NR3C1: variants seen among roughly 807,000 people sequenced by gnomAD.
NR3C1 encodes the protein nuclear receptor subfamily 3 group C member 1.
Under a neutral mutation model 74.0 loss-of-function variants are expected in NR3C1, and 14 were observed. The ratio of observed to expected loss-of-function variants is 0.19; its 90% CI spans 0.12 to 0.30. The LOEUF (loss-of-function observed/expected upper bound fraction) is 0.30, where lower values mean the gene tolerates loss of function less well. Among genes scored for constraint, NR3C1 ranks in the 10% least tolerant of loss-of-function variants. The pLI is 1.00. For missense variants in NR3C1, 695 were observed against 909.8 expected, an observed-to-expected ratio of 0.76 and a Z score of 3.04; for synonymous variants, 308 against 332.5, an observed-to-expected ratio of 0.93 and a Z score of 0.80.
At chr5:143,301,187 C>T (rs1008815533) in intron 4 of NR3C1, among the ~76,000 whole-genome samples, 10 of 151,546 alleles carry the variant, frequency 6.6e-5, no homozygotes, top group Middle Eastern at 3.2e-3. Flanking sequence ...CTTGGAGTAA[C>T]GGATTACAAA....
chr5:143,373,730 A>C (rs984829784), intron 2 of NR3C1, among the ~76,000 whole-genome samples: 25 of 152,222 alleles, frequency 1.6e-4, no homozygotes, highest in African/African-American at 5.8e-4. Context: ...AACAAAGCAA[A>C]ATAATGCAAA....
intron 7 of NR3C1, among the ~76,000 whole-genome samples, chr5:143,292,099 G>T (rs910244092): frequency 1.3e-5 from 2 of 152,142 alleles, no homozygotes; most frequent in African/African-American, 4.8e-5. Context: ...TGCTAATCTG[G>T]CTAGGAGCTG....
intron 1 of NR3C1, among the ~76,000 whole-genome samples, chr5:143,426,112 G>A (rs978827937): frequency 2.0e-5 from 3 of 152,174 alleles, no homozygotes; most frequent in African/African-American, 7.2e-5. Flanking sequence ...AGTGGAAGGT[G>A]CCAGACACAA....
At chr5:143,366,683 T>TA (rs1390059364) in intron 2 of NR3C1, among the ~76,000 whole-genome samples, 1 of 152,146 alleles carries the variant, frequency 6.6e-6, no homozygotes, top group Non-Finnish European at 1.5e-5. Context: ...ATACTATGAA[T>TA]AATTATACAC....
chr5:143,410,523 A>G (rs1345504083), intron 1 of NR3C1, among the ~76,000 whole-genome samples: 1 of 152,140 alleles, frequency 6.6e-6, no homozygotes, highest in Non-Finnish European at 1.5e-5. Context: ...CTCTTGTTGA[A>G]TTTTCAATAC....
At chr5:143,378,752 C>T (rs1485742625) in intron 2 of NR3C1, among the ~76,000 whole-genome samples, 1 of 152,194 alleles carries the variant, frequency 6.6e-6, no homozygotes, top group Non-Finnish European at 1.5e-5. Context: ...CTATGTTTAA[C>T]ACAAGAAATT....
At chr5:143,434,460 T>C (rs1752021406) in intron 1 of NR3C1, 8 of 828,312 alleles carry the variant, frequency 9.7e-6, no homozygotes, top group Non-Finnish European at 1.2e-5. Context: ...GACCTCTGAG[T>C]GACCTTTAAC....
At chr5:143,402,388 G>T (rs1339118901) in intron 1 of NR3C1, among the ~76,000 whole-genome samples, 2 of 152,166 alleles carry the variant, frequency 1.3e-5, no homozygotes, top group African/African-American at 4.8e-5. Flanking sequence ...GTATTACAAG[G>T]TTGCAATTAT....
intron 2 of NR3C1, among the ~76,000 whole-genome samples, chr5:143,333,669 A>G (rs1600060426): frequency 6.6e-6 from 1 of 151,894 alleles, no homozygotes; most frequent in African/African-American, 2.4e-5. Context: ...TCGAGAGGCT[A>G]AGGCAGGAAA....
intron 7 of NR3C1, among the ~76,000 whole-genome samples, chr5:143,293,695 G>A (rs1450465660): frequency 6.6e-6 from 1 of 151,868 alleles, no homozygotes; most frequent in Non-Finnish European, 1.5e-5. Context: ...TTGGTGGGAG[G>A]TTATATACCT....
chr5:143,400,777 C>T lies in NR3C1; in HGVS notation c.63G>A (p.Gln21=), dbSNP rs1169607428. 1.9e-6 allele frequency: 3 copies of T among 1,614,062 alleles called. No homozygotes were observed. The African/African-American group carries it at 4.0e-5, about 22-fold the overall frequency. The change falls in exon 2 of 9, where the codon CAG becomes CAA. Residue 21 remains glutamine (Q), a synonymous_variant. Transcript: ENST00000394464. ...AGAAGTCCATCACATCTCCCCTCTC[C>T]TGAGCAAGCACACTGCTGGGGTTTT... The part of the protein sequence containing the change: ...REENPSSVLA[Q]ERGDVMDFYK...
At chr5:143,304,880 T>C (rs1415299310) in intron 4 of NR3C1, among the ~76,000 whole-genome samples, 3 of 152,008 alleles carry the variant, frequency 2.0e-5, no homozygotes, top group African/African-American at 4.8e-5. Context: ...CCCTACCTAC[T>C]GCCATATAAA....
intron 2 of NR3C1, among the ~76,000 whole-genome samples, chr5:143,390,919 G>A (rs1402082688): frequency 1.3e-5 from 2 of 152,078 alleles, no homozygotes; most frequent in African/African-American, 4.8e-5. Flanking sequence ...TGTTACTATA[G>A]TGCAATGAGT....
intron 2 of NR3C1, among the ~76,000 whole-genome samples, chr5:143,347,203 G>A (rs767734846): frequency 1.2e-4 from 19 of 152,150 alleles, no homozygotes; most frequent in Non-Finnish European, 2.1e-4. Flanking sequence ...CTAAAAAGTA[G>A]AGACTAAATT....
intron 5 of NR3C1, among the ~76,000 whole-genome samples, chr5:143,299,335 T>G (rs1817984343): frequency 6.8e-6 from 1 of 147,054 alleles, no homozygotes; most frequent in South Asian, 2.1e-4. Flanking sequence ...TTTTAATAGC[T>G]TTTAATGTAA....
intron 2 of NR3C1, among the ~76,000 whole-genome samples, chr5:143,323,446 C>T (rs1231801663): frequency 6.6e-6 from 1 of 152,048 alleles, no homozygotes; most frequent in Non-Finnish European, 1.5e-5. Context: ...ACAGGAAAGA[C>T]CAGCCCCCAT....
intron 2 of NR3C1, among the ~76,000 whole-genome samples, chr5:143,377,815 T>C (rs181851194): frequency 1.3e-5 from 2 of 152,258 alleles, no homozygotes; most frequent in Non-Finnish European, 2.9e-5. Context: ...CTTTCTTTAC[T>C]AGTCCATTTT....
chr5:143,406,829 A>G (rs1222883700), upstream of NR3C1: 2 of 152,200 alleles, frequency 1.3e-5, no homozygotes, highest in Non-Finnish European at 2.9e-5. Flanking sequence ...ACTACTTACA[A>G]TATGTGCTTA....
upstream of NR3C1, chr5:143,405,176 G>T (rs1357314662): frequency 6.1e-6 from 6 of 985,484 alleles, no homozygotes; most frequent in African/African-American, 3.5e-5. Flanking sequence ...TATGATTTTT[G>T]TGACTCTGGG....
Sources: gnomAD v4.1 joint callset for allele counts (sites outside exome capture counted in the v4.1 genomes callset) on GRCh38, gnomAD v4.1.1 for gene constraint, MANE v1.5 for transcripts, NCBI Gene and HGNC (gene_info 2026-07-23, HGNC 2026-07-21) for gene names.